Variants in VPS13B observed in about 807,000 individuals in gnomAD.
The protein encoded by VPS13B is vacuolar protein sorting 13 homolog B, also known as intermembrane lipid transfer protein VPS13B.
Under a neutral mutation model 426.4 loss-of-function variants are expected in VPS13B, and 285 were observed. The observed-to-expected ratio is 0.67, with a 90% confidence interval of 0.61 to 0.74. The LOEUF (loss-of-function observed/expected upper bound fraction) is 0.74, where lower values mean the gene tolerates loss of function less well. Among genes scored for constraint, VPS13B ranks in the 30% least tolerant of loss-of-function variants. The pLI is 0.00. For missense variants in VPS13B, 4,537 were observed against 4,782.6 expected (o/e 0.95, Z 1.51); for synonymous variants, 1,676 against 1,676.4 (o/e 1.00, Z 0.01).
intron 16 of VPS13B, among the ~76,000 whole-genome samples, chr8:99,175,390 G>A (rs57136747): frequency 1.3e-3 from 200 of 152,210 alleles, no homozygotes; most frequent in African/African-American, 4.4e-3. Flanking sequence ...TCAAAATAAT[G>A]AAGAAAAAGT....
At chr8:99,840,599 C>G (rs1198058030) in intron 54 of VPS13B, among the ~76,000 whole-genome samples, 1 of 152,224 alleles carries the variant, frequency 6.6e-6, no homozygotes, top group Admixed American at 6.5e-5. Flanking sequence ...AGACTCCACT[C>G]TCATCTAGCC....
intron 19 of VPS13B, among the ~76,000 whole-genome samples, chr8:99,306,157 A>G (rs1820627731): frequency 6.6e-6 from 1 of 152,126 alleles, no homozygotes; most frequent in Non-Finnish European, 1.5e-5. Context: ...AATTAAGGGC[A>G]TGAAGACAAG....
chr8:99,399,135 GTC>G (rs1297111023), intron 21 of VPS13B, among the ~76,000 whole-genome samples: 3 of 152,036 alleles, frequency 2.0e-5, no homozygotes, highest in Non-Finnish European at 4.4e-5. Flanking sequence ...ATAAAATAAA[GTC>G]TATCTAATGA....
chr8:99,657,962 T>C (rs1830081191), intron 34 of VPS13B, among the ~76,000 whole-genome samples: 1 of 152,204 alleles, frequency 6.6e-6, no homozygotes, highest in Non-Finnish European at 1.5e-5. Context: ...TAAGATATTA[T>C]CAATTTTTTA....
At chr8:99,820,555 T>G (rs1588746244) in intron 49 of VPS13B, among the ~76,000 whole-genome samples, 1 of 152,304 alleles carries the variant, frequency 6.6e-6, no homozygotes, top group South Asian at 2.1e-4. Context: ...CCCCTTTCCT[T>G]TATAGGTGGA....
intron 43 of VPS13B, among the ~76,000 whole-genome samples, chr8:99,787,897 A>AT (rs1437901924): frequency 6.6e-6 from 1 of 152,002 alleles, no homozygotes; most frequent in African/African-American, 2.4e-5. Context: ...TGGGTTATGC[A>AT]TTTTTTTCAG....
intron 30 of VPS13B, among the ~76,000 whole-genome samples, chr8:99,522,151 A>G (rs1259609663): frequency 1.3e-5 from 2 of 152,162 alleles, no homozygotes; most frequent in Admixed American, 6.5e-5. Flanking sequence ...ATTATAATTC[A>G]TATCTTTTGA....
intron 8 of VPS13B, among the ~76,000 whole-genome samples, chr8:99,133,026 G>T (rs1588073355): frequency 6.6e-6 from 1 of 152,168 alleles, no homozygotes; most frequent in Admixed American, 6.5e-5. Flanking sequence ...CCTAACAAGA[G>T]CATCCGCCTG....
chr8:99,675,951 G>A lies in VPS13B; in HGVS notation c.6046+14460G>A, dbSNP rs962190335. On this transcript the variant is annotated intron_variant, in intron 35 of 61. Coordinates refer to ENST00000357162, the MANE Select transcript of VPS13B (RefSeq NM_152564.5). ...GCAGTTCATATATCTCTATTTTTCA[G>A]GGGTCGGTCACTAGCACTCTATTTT... Among the ~76,000 whole-genome samples the A allele has an allele frequency of 7.2e-5, 11 of 151,846 alleles. No individual in the cohort carries two copies. The South Asian group carries it at 8.3e-4, about 11-fold the overall frequency.
intron 39 of VPS13B, among the ~76,000 whole-genome samples, chr8:99,745,278 A>T (rs376246933): frequency 6.6e-6 from 1 of 152,014 alleles, no homozygotes; most frequent in Non-Finnish European, 1.5e-5. Flanking sequence ...TTATTCTTCA[A>T]ACTGAGACTT....
At chr8:99,454,102 T>A (rs1229206530) in intron 23 of VPS13B, among the ~76,000 whole-genome samples, 1 of 152,204 alleles carries the variant, frequency 6.6e-6, no homozygotes, top group Non-Finnish European at 1.5e-5. Flanking sequence ...ATAATTGGCA[T>A]CAAACAGTAT....
At position 99,437,412 on chromosome 8, in the gene VPS13B, A is replaced by AAAT. The variant is rs1554790777; in HGVS notation, c.3211-4988_3211-4987insATA. Reference sequence around the variant, plus strand: ...TGGACAGTCTTTTTTTTTAAAAAAAAATATATATATATATGAACTTTGGGG... The same window carrying AAAT: ...TGGACAGTCTTTTTTTTTAAAAAAAAAATATATATATATATATGAACTTTGGGG... On this transcript the variant is annotated intron_variant, in intron 22 of 61. Coordinates refer to ENST00000357162, the MANE Select transcript of VPS13B (RefSeq NM_152564.5). Among the ~76,000 whole-genome samples, 1,053 of 151,018 alleles carry AAAT rather than the reference A, an allele frequency of 7.0e-3. 17 individuals are homozygous for AAAT. Among genetic ancestry groups the AAAT allele is most frequent in the African/African-American group, 0.024 (994 of 41,174 alleles).
intron 23 of VPS13B, 59 bp downstream of exon 23, chr8:99,442,694 T>C: frequency 6.5e-7 from 1 of 1,530,320 alleles, no homozygotes; most frequent in Non-Finnish European, 8.9e-7. Context: ...TTTAGATTTG[T>C]TGGTGTTTTT....
At chr8:99,210,455 G>C (rs927463063) in intron 17 of VPS13B, among the ~76,000 whole-genome samples, 11 of 151,940 alleles carry the variant, frequency 7.2e-5, no homozygotes, top group African/African-American at 2.7e-4. Context: ...ATCGGATATC[G>C]GGTCATTTTT....
intron 31 of VPS13B, among the ~76,000 whole-genome samples, chr8:99,565,873 C>T (rs1825152130): frequency 1.3e-5 from 2 of 152,152 alleles, no homozygotes; most frequent in African/African-American, 2.4e-5. Flanking sequence ...TCTCTCACTA[C>T]TTTGGGAGGC....
intron 56 of VPS13B, 25 bp from the exon 57 acceptor site, chr8:99,859,279 A>G: frequency 6.2e-7 from 1 of 1,612,666 alleles, no homozygotes. Context: ...GGTTTCAATC[A>G]CCCCTTCCCT....
intron 56 of VPS13B, among the ~76,000 whole-genome samples, chr8:99,857,952 A>G (rs976603270): frequency 1.3e-5 from 2 of 152,210 alleles, no homozygotes; most frequent in African/African-American, 4.8e-5. Flanking sequence ...GGAGGGCTCA[A>G]AATTTAAGAG....
At chr8:99,800,701 C>G (rs944500149) in intron 43 of VPS13B, among the ~76,000 whole-genome samples, 8 of 151,944 alleles carry the variant, frequency 5.3e-5, no homozygotes, top group African/African-American at 2.4e-5. Context: ...CTATTTTCCC[C>G]ACTTTTCTTT....
In VPS13B at chr8:99,121,463, C is replaced by T; in HGVS notation, c.1206+18C>T. On this transcript the variant is annotated intron_variant, in intron 8 of 61. Coordinates refer to ENST00000357162, the MANE Select transcript of VPS13B (RefSeq NM_152564.5). The stretch of plus-strand genomic sequence containing the variant: ...CTTTCAAAGTAGGTCTTTTCTCTTG[C>T]TGTTTATATCTCTATCAACTTTAAT... 6.2e-7 allele frequency: 1 copy of T among 1,611,216 alleles called. No homozygotes were observed. The highest frequency in any genetic ancestry group is 8.5e-7 in the Non-Finnish European group (1 of 1,179,204).
Sources: gnomAD v4.1 joint callset for allele counts (sites outside exome capture counted in the v4.1 genomes callset) on GRCh38, gnomAD v4.1.1 for gene constraint, MANE v1.5 for transcripts, NCBI Gene and HGNC (gene_info 2026-07-23, HGNC 2026-07-21) for gene names.